CYP19A1: variants seen among roughly 807,000 people sequenced by gnomAD.
The protein encoded by CYP19A1 is aromatase.
Under a neutral mutation model 44.4 loss-of-function variants are expected in CYP19A1, and 32 were observed. The ratio of observed to expected loss-of-function variants is 0.72; its 90% CI spans 0.54 to 0.97. CYP19A1 has a LOEUF of 0.97. CYP19A1 is among the 50% of genes least tolerant of loss of function. CYP19A1 has a pLI of 0.00. For synonymous variants in CYP19A1, 212 were observed against 215.6 expected (o/e 0.98, Z 0.14); for missense variants, 598 against 637.8 (o/e 0.94, Z 0.67).
chr15:51,286,014 C>T (rs1239564741), intron 1 of CYP19A1, among the ~76,000 whole-genome samples: 4 of 152,148 alleles, frequency 2.6e-5, no homozygotes, highest in African/African-American at 7.2e-5. Flanking sequence ...CAGGCATCTG[C>T]GTCTCCACAT....
At position 51,271,176 on chromosome 15, in the gene CYP19A1, C is replaced by T. The variant is rs751031914; in HGVS notation, c.-38-28226G>A. ...ATACTCTGTCCTGATTCTTTTTTAT[C>T]GCCCTCTTCTTAATCACCCAGGTCA... On this transcript the variant is annotated intron_variant, in intron 1 of 9. Coordinates refer to ENST00000396402, the MANE Select transcript of CYP19A1 (RefSeq NM_000103.4). Among the ~76,000 whole-genome samples, 9 of 152,024 alleles carry T rather than the reference C, an allele frequency of 5.9e-5. 1 individual carries two copies. The highest frequency in any genetic ancestry group is 3.4e-3 in the Middle Eastern group (1 of 294).
chr15:51,218,679 A>G (rs2031805657), intron 5 of CYP19A1, 24 bp from the exon 6 acceptor site: 2 of 1,600,284 alleles, frequency 1.2e-6, no homozygotes, highest in African/African-American at 2.7e-5. Context: ...AAACACACAT[A>G]CACAAGAAAG....
At chr15:51,229,530 G>A (rs570729660) in intron 3 of CYP19A1, among the ~76,000 whole-genome samples, 4 of 151,726 alleles carry the variant, frequency 2.6e-5, no homozygotes, top group South Asian at 4.1e-4. Flanking sequence ...ATAATCCTAA[G>A]TTTTGGACAT....
At chr15:51,246,150 G>A (rs979886021) in intron 1 of CYP19A1, among the ~76,000 whole-genome samples, 19 of 152,162 alleles carry the variant, frequency 1.2e-4, no homozygotes, top group African/African-American at 3.6e-4. Context: ...AATGGGCCAC[G>A]TGGGTAGGTT....
At chr15:51,221,143 A>G (rs1209729422) in intron 5 of CYP19A1, among the ~76,000 whole-genome samples, 1 of 152,198 alleles carries the variant, frequency 6.6e-6, no homozygotes, top group Non-Finnish European at 1.5e-5. Flanking sequence ...GCCAATGCTT[A>G]TGGATAAGAA....
chr15:51,335,112 T>C (rs2141033546), intron 1 of CYP19A1, among the ~76,000 whole-genome samples: 1 of 144,258 alleles, frequency 6.9e-6, no homozygotes, highest in Middle Eastern at 3.4e-3. Flanking sequence ...AGCACTTGTT[T>C]CCAGAGAATC....
At chr15:51,305,286 A>T (rs2036194189) in intron 1 of CYP19A1, among the ~76,000 whole-genome samples, 1 of 152,208 alleles carries the variant, frequency 6.6e-6, no homozygotes, top group Admixed American at 6.5e-5. Context: ...AAAGTGCCTG[A>T]GTATAGAATT....
At chr15:51,285,933 T>C (rs1201522655) in intron 1 of CYP19A1, among the ~76,000 whole-genome samples, 1 of 152,178 alleles carries the variant, frequency 6.6e-6, no homozygotes, top group Non-Finnish European at 1.5e-5. Flanking sequence ...CATTCTTTTT[T>C]TGGTACCAGT....
intron 1 of CYP19A1, among the ~76,000 whole-genome samples, chr15:51,329,520 G>A (rs548499690): frequency 1.3e-5 from 2 of 152,296 alleles, no homozygotes; most frequent in African/African-American, 2.4e-5. Context: ...CAAGGCCAGG[G>A]CCACTGATGG....
intron 1 of CYP19A1, among the ~76,000 whole-genome samples, chr15:51,274,305 G>A (rs564464000): frequency 2.0e-5 from 3 of 152,248 alleles, no homozygotes; most frequent in East Asian, 3.9e-4. Context: ...ACCTATTACT[G>A]GGCATTCTTT....
At chr15:51,268,605 T>G (rs576210646) in intron 1 of CYP19A1, among the ~76,000 whole-genome samples, 9 of 150,524 alleles carry the variant, frequency 6.0e-5, no homozygotes, top group Non-Finnish European at 1.2e-4. Context: ...TATATTTCAC[T>G]TCTCTTGAGT....
chr15:51,243,076 T>A (rs2033874718), intron 1 of CYP19A1, 126 bp from the exon 2 acceptor site: 1 of 699,190 alleles, frequency 1.4e-6, no homozygotes, highest in Non-Finnish European at 2.6e-6. Flanking sequence ...ATCAGACATT[T>A]AGGCAAGACT....
chr15:51,294,354 G>C (rs1037185463), intron 1 of CYP19A1, among the ~76,000 whole-genome samples: 4 of 150,208 alleles, frequency 2.7e-5, no homozygotes, highest in Admixed American at 2.6e-4. Context: ...GAGCGCCTCT[G>C]CCCGGCCGCG....
chr15:51,235,651 C>G (rs2033344069), intron 3 of CYP19A1, among the ~76,000 whole-genome samples: 1 of 152,198 alleles, frequency 6.6e-6, no homozygotes, highest in Admixed American at 6.5e-5. Flanking sequence ...AATTTCTCCC[C>G]TGCTCCCTTC....
At chr15:51,222,588 A>G in intron 4 of CYP19A1, 63 bp from the exon 5 acceptor site, 1 of 1,410,076 alleles carries the variant, frequency 7.1e-7, no homozygotes. Context: ...CAATCATGCC[A>G]TTTTGGCTTT....
intron 2 of CYP19A1, 68 bp from the exon 3 acceptor site, chr15:51,237,077 T>G: frequency 6.4e-7 from 1 of 1,567,584 alleles, no homozygotes; most frequent in South Asian, 1.1e-5. Context: ...TTTGTGTTAC[T>G]CCTGTTTTTG....
chr15:51,276,149 C>G (rs561477338), intron 1 of CYP19A1, among the ~76,000 whole-genome samples: 6 of 152,268 alleles, frequency 3.9e-5, no homozygotes, highest in African/African-American at 7.2e-5. Flanking sequence ...AAGTGCGTGT[C>G]TCAGAAATAA....
intron 1 of CYP19A1, among the ~76,000 whole-genome samples, chr15:51,256,408 GAC>G (rs2034516349): frequency 6.6e-6 from 1 of 152,192 alleles, no homozygotes; most frequent in East Asian, 1.9e-4. Flanking sequence ...CCACTGCTAT[GAC>G]CTGAGAATTG....
intron 5 of CYP19A1, among the ~76,000 whole-genome samples, chr15:51,220,819 A>G (rs927850347): frequency 1.3e-5 from 2 of 152,158 alleles, no homozygotes; most frequent in African/African-American, 4.8e-5. Context: ...TTTGAACACT[A>G]GGTCTTGTTT....
Sources: gnomAD v4.1 joint callset for allele counts (sites outside exome capture counted in the v4.1 genomes callset) on GRCh38, gnomAD v4.1.1 for gene constraint, MANE v1.5 for transcripts, NCBI Gene and HGNC (gene_info 2026-07-23, HGNC 2026-07-21) for gene names.